STX11: variants seen among roughly 807,000 people sequenced by gnomAD.
STX11 encodes the protein syntaxin-11.
STX11 carries 21 observed loss-of-function variants against 19.9 expected under a neutral mutation model. That is an observed-to-expected ratio of 1.06 (90% CI 0.75 to 1.52). The LOEUF is 1.52. Among genes scored for constraint, STX11 ranks in the 40% most tolerant of loss-of-function variants. The pLI, the probability that STX11 is intolerant of heterozygous loss-of-function variation, is 0.00. For missense variants in STX11, 438 were observed against 405.9 expected (o/e 1.08, Z -0.68); for synonymous variants, 193 against 174.4 (o/e 1.11, Z -0.84).
chr6:144,169,921 T>G lies in STX11; in HGVS notation c.-5-16702T>G, dbSNP rs959050751. ...TTGAACTCCTGGGCTCAAGTGATCCTCCTGCCTTGGCCTCCCAACACACTG... is the reference window on the plus strand; with the variant it reads ...TTGAACTCCTGGGCTCAAGTGATCCGCCTGCCTTGGCCTCCCAACACACTG... On this transcript the variant is annotated intron_variant, in intron 1 of 1. Transcript: ENST00000367568. This position sits in a 1 kb window ranked among gnomAD's most constrained non-coding sequence, Gnocchi z 5.2. Among the ~76,000 whole-genome samples, 1 of 152,204 alleles carries G rather than the reference T, an allele frequency of 6.6e-6. No homozygotes were observed. The highest frequency in any genetic ancestry group is 2.4e-5 in the African/African-American group (1 of 41,460).
At position 144,156,017 on chromosome 6, in the gene STX11, T is replaced by TTC. The variant is rs1562655619; in HGVS notation, c.-6+5314_-6+5315insTC. 2.7e-3 allele frequency among the ~76,000 whole-genome samples: 344 copies of TTC among 127,484 alleles called. 13 individuals carry two copies. The highest frequency in any genetic ancestry group is 0.01 in the African/African-American group (281 of 27,440). 83.6% of individuals were successfully genotyped at this position (127,484 alleles called of 152,430 possible). A position where few individuals can be genotyped will look rare whatever the true frequency, so the allele number is the denominator to read the frequency against. On this transcript the variant is annotated intron_variant, in intron 1 of 1. Coordinates refer to ENST00000367568, the MANE Select transcript of STX11 (RefSeq NM_003764.4). ...TTCTTTCTTTCTTTCTTTCTTTCTCTCTTTCTCTCCTTCCTTCCTTCCTTC... is the reference window on the plus strand; with the variant it reads ...TTCTTTCTTTCTTTCTTTCTTTCTCTTCCTTTCTCTCCTTCCTTCCTTCCTTC...
intron 1 of STX11, among the ~76,000 whole-genome samples, chr6:144,164,988 T>C (rs914315366): frequency 2.6e-5 from 4 of 151,546 alleles, no homozygotes; most frequent in African/African-American, 9.7e-5. Flanking sequence ...TGAACCACCA[T>C]GCCCAGCCTA....
At chr6:144,179,577 G>A (rs914753068) in intron 1 of STX11, among the ~76,000 whole-genome samples, 1 of 152,194 alleles carries the variant, frequency 6.6e-6, no homozygotes, top group African/African-American at 2.4e-5. Flanking sequence ...ACTGGATGAG[G>A]TGGTTGAGAA....
chr6:144,168,049 CCACT>C (rs1357903097), intron 1 of STX11, among the ~76,000 whole-genome samples: 1 of 152,170 alleles, frequency 6.6e-6, no homozygotes, highest in Non-Finnish European at 1.5e-5. Context: ...ATACCTATAC[CCACT>C]GTTAACAGCA....
rs943784070 is a variant in STX11 at position 144,159,151 on chromosome 6, T to A, written c.-6+8448T>A. ...AAAAATGAGTGAAAAAAATAACGAT[T>A]CTGGTGAGCGTATTTATTCAACAAC... On this transcript the variant is annotated intron_variant, in intron 1 of 1. Coordinates refer to ENST00000367568, the MANE Select transcript of STX11 (RefSeq NM_003764.4). This position sits in a 1 kb window ranked among gnomAD's most constrained non-coding sequence, Gnocchi z 4.3. Among the ~76,000 whole-genome samples the A allele has an allele frequency of 2.0e-5, 3 of 152,188 alleles. No homozygotes were observed. Among genetic ancestry groups the A allele is most frequent in the Non-Finnish European group, 4.4e-5 (3 of 68,034 alleles).
At position 144,191,280 on chromosome 6, in the gene STX11, G is replaced by T; in HGVS notation, c.*3789G>T. On this transcript the variant is annotated 3_prime_UTR_variant, in exon 2 of 2. Coordinates refer to ENST00000367568, the MANE Select transcript of STX11 (RefSeq NM_003764.4). ...CTCATCTAGTATGCATCGGTATCCA[G>T]GATAATATGAGTTAGAATTTTAAAA... 6.9e-6 allele frequency among the ~76,000 whole-genome samples: 1 copy of T among 144,640 alleles called. No individual in the cohort carries two copies. Among genetic ancestry groups the T allele is most frequent in the Non-Finnish European group, 1.5e-5 (1 of 66,340 alleles). 94.9% of individuals were successfully genotyped at this position (144,640 alleles called of 152,430 possible). A position where few individuals can be genotyped will look rare whatever the true frequency, so the allele number is the denominator to read the frequency against.
At position 144,151,332 on chromosome 6, in the gene STX11, C is replaced by T. The variant is rs769418209; in HGVS notation, c.-6+629C>T. The T allele has an allele frequency of 1.0e-6, 1 of 985,322 alleles. No homozygotes were observed. Among genetic ancestry groups the T allele is most frequent in the South Asian group, 4.7e-5 (1 of 21,290 alleles). The allele number at this position is 985,322 out of a possible 1,614,324, so 61.0% of individuals were successfully genotyped here. ...AGACTCCGCTGACACCAGCTGAGATCTGTATTACTTCCTGTGGTTCTCACG... is the reference window on the plus strand; with the variant it reads ...AGACTCCGCTGACACCAGCTGAGATTTGTATTACTTCCTGTGGTTCTCACG... On this transcript the variant is annotated intron_variant, in intron 1 of 1. Coordinates refer to ENST00000367568, the MANE Select transcript of STX11 (RefSeq NM_003764.4). This position sits in a 1 kb window ranked among gnomAD's most constrained non-coding sequence, Gnocchi z 4.6.
At chr6:144,147,225 G>T (rs1584001685), upstream of STX11, among the ~76,000 whole-genome samples, 1 of 147,192 alleles carries the variant, frequency 6.8e-6, no homozygotes, top group East Asian at 2.0e-4. The surrounding 1 kb of genome is among the most constrained non-coding windows in gnomAD (Gnocchi z 4.2). Context: ...CCATTTCTTT[G>T]TCTTCATCTG....
rs975514166 is a variant in STX11, at chr6:144,180,990, C to A, written c.-5-5633C>A. ...CTTCAATTTTATTCATACTCCCATGCCTGCAACAATTATAATTTTCCATCA... is the reference window on the plus strand; with the variant it reads ...CTTCAATTTTATTCATACTCCCATGACTGCAACAATTATAATTTTCCATCA... On this transcript the variant is annotated intron_variant, in intron 1 of 1. Coordinates refer to ENST00000367568, the MANE Select transcript of STX11 (RefSeq NM_003764.4). The surrounding 1 kb of genome is among the most constrained non-coding windows in gnomAD (Gnocchi z 5.3). Among the ~76,000 whole-genome samples the A allele has an allele frequency of 1.3e-5, 2 of 152,172 alleles. No homozygotes were observed. Among genetic ancestry groups the A allele is most frequent in the Non-Finnish European group, 2.9e-5 (2 of 68,028 alleles).
the STX11 span, chr6:144,140,653 G>A: frequency 1.4e-6 from 1 of 708,182 alleles, no homozygotes; most frequent in Non-Finnish European, 1.7e-6. Flanking sequence ...GCTGTGGTCT[G>A]TGAACTCACA....
At chr6:144,149,502 C>A (rs1434838534), upstream of STX11, among the ~76,000 whole-genome samples, 1 of 152,128 alleles carries the variant, frequency 6.6e-6, no homozygotes, top group African/African-American at 2.4e-5. The surrounding 1 kb of genome is among the most constrained non-coding windows in gnomAD (Gnocchi z 5.1). Context: ...ATTGAGACAG[C>A]GTCTCATTCT....
intron 1 of STX11, among the ~76,000 whole-genome samples, chr6:144,168,197 G>A (rs1801531893): frequency 6.6e-6 from 1 of 152,202 alleles, no homozygotes; most frequent in African/African-American, 2.4e-5. Context: ...GTCCTCTGAG[G>A]ATGAGGAGGC....
In STX11 at chr6:144,191,833, AGT is replaced by A. The variant is rs1802213200; in HGVS notation, c.*4345_*4346del. Among the ~76,000 whole-genome samples, 1 of 152,224 alleles carries A rather than the reference AGT, an allele frequency of 6.6e-6. No individual in the cohort carries two copies. Among genetic ancestry groups the A allele is most frequent in the Non-Finnish European group, 1.5e-5 (1 of 68,042 alleles). Reference sequence around the variant, plus strand: ...ATGTAACTTCATCATATAAATGATGAGTGTCTTTGTTATCAACACGTTATTAA... The same window carrying A: ...ATGTAACTTCATCATATAAATGATGAGTCTTTGTTATCAACACGTTATTAA... On this transcript the variant is annotated 3_prime_UTR_variant, in exon 2 of 2. Transcript: ENST00000367568.
In STX11 at chr6:144,167,765, TAC is replaced by T. The variant is rs57497049; in HGVS notation, c.-6+17065_-6+17066del. On this transcript the variant is annotated intron_variant, in intron 1 of 1. Coordinates refer to ENST00000367568, the MANE Select transcript of STX11 (RefSeq NM_003764.4). This position sits in a 1 kb window ranked among gnomAD's most constrained non-coding sequence, Gnocchi z 5.0. ...TCCCAAGCAGCTGGGAATACAGGTGTACACCACTGCTCTCGGCTAATTATTGT... is the reference window on the plus strand; with the variant it reads ...TCCCAAGCAGCTGGGAATACAGGTGTACCACTGCTCTCGGCTAATTATTGT... Among the ~76,000 whole-genome samples, 7,158 of 152,188 alleles carry T rather than the reference TAC, an allele frequency of 0.047. 466 individuals carry two copies. Among genetic ancestry groups the T allele is most frequent in the African/African-American group, 0.14 (5,753 of 41,488 alleles).
chr6:144,160,220 G>A lies in STX11; in HGVS notation c.-6+9517G>A, dbSNP rs762357040. On this transcript the variant is annotated intron_variant, in intron 1 of 1. Transcript: ENST00000367568. The surrounding 1 kb of genome is among the most constrained non-coding windows in gnomAD (Gnocchi z 4.3). ...GGGTTTCACTATATTTGGCCAGGCT[G>A]GTCTCGAACTCCTGACCTCAGGTGA... Among the ~76,000 whole-genome samples, 1 of 152,032 alleles carries A rather than the reference G, an allele frequency of 6.6e-6. No homozygotes were observed. Among genetic ancestry groups the A allele is most frequent in the Non-Finnish European group, 1.5e-5 (1 of 68,000 alleles).
chr6:144,159,143 A>G lies in STX11; in HGVS notation c.-6+8440A>G, dbSNP rs947009543. On this transcript the variant is annotated intron_variant, in intron 1 of 1. Coordinates refer to ENST00000367568, the MANE Select transcript of STX11 (RefSeq NM_003764.4). The surrounding 1 kb of genome is among the most constrained non-coding windows in gnomAD (Gnocchi z 4.3). ...GCCTCATCAAAAATGAGTGAAAAAA[A>G]TAACGATTCTGGTGAGCGTATTTAT... Among the ~76,000 whole-genome samples the G allele has an allele frequency of 6.6e-6, 1 of 152,224 alleles. No individual in the cohort carries two copies. The highest frequency in any genetic ancestry group is 2.4e-5 in the African/African-American group (1 of 41,456).
chr6:144,155,047 A>G lies in STX11; in HGVS notation c.-6+4344A>G, dbSNP rs1801099801. Reference sequence around the variant, plus strand: ...ATATCCTGATTTTTGTTCAGCAATCAGGGACTAAGAATTGATCTAGGAAGA... The same window carrying G: ...ATATCCTGATTTTTGTTCAGCAATCGGGGACTAAGAATTGATCTAGGAAGA... On this transcript the variant is annotated intron_variant, in intron 1 of 1. Transcript: ENST00000367568. This position sits in a 1 kb window ranked among gnomAD's most constrained non-coding sequence, Gnocchi z 4.5. 6.6e-6 allele frequency among the ~76,000 whole-genome samples: 1 copy of G among 152,204 alleles called. No homozygotes were observed. Among genetic ancestry groups the G allele is most frequent in the Non-Finnish European group, 1.5e-5 (1 of 68,042 alleles).
In STX11 at chr6:144,191,348, G is replaced by T. The variant is rs972097281; in HGVS notation, c.*3857G>T. Among the ~76,000 whole-genome samples, 2 of 149,908 alleles carry T rather than the reference G, an allele frequency of 1.3e-5. No homozygotes were observed. Among genetic ancestry groups the T allele is most frequent in the African/African-American group, 4.9e-5 (2 of 40,516 alleles). On this transcript the variant is annotated 3_prime_UTR_variant, in exon 2 of 2. Coordinates refer to ENST00000367568, the MANE Select transcript of STX11 (RefSeq NM_003764.4). The stretch of plus-strand genomic sequence containing the variant: ...ATATTTGAACTGTGACATCACAGAA[G>T]TAATTTTATGGCCTTTTAAGGTAAC...
chr6:144,140,843 T>C, the STX11 span: 1 of 955,742 alleles, frequency 1.0e-6, no homozygotes, highest in Non-Finnish European at 1.2e-6. Flanking sequence ...ATAGAGTTTC[T>C]AAATAGATGA....
Sources: gnomAD v4.1 joint callset for allele counts (sites outside exome capture counted in the v4.1 genomes callset) on GRCh38, gnomAD v4.1.1 for gene constraint, Gnocchi (gnomAD v3.1) non-coding constraint, MANE v1.5 for transcripts, NCBI Gene and HGNC (gene_info 2026-07-23, HGNC 2026-07-21) for gene names.